The following B3GLCT variants were observed in gnomAD, a reference collection of about 807,000 sequenced individuals.
The protein encoded by B3GLCT is beta-1,3-glucosyltransferase.
Under a neutral mutation model 63.4 loss-of-function variants are expected in B3GLCT, and 65 were observed. That is an observed-to-expected ratio of 1.03 (90% CI 0.84 to 1.26). B3GLCT has a LOEUF of 1.26. B3GLCT is among the 50% of genes most tolerant of loss of function. The pLI is 0.00. For missense variants in B3GLCT, 577 were observed against 604.8 expected, an observed-to-expected ratio of 0.95 and a Z score of 0.48; for synonymous variants, 233 against 219.2, an observed-to-expected ratio of 1.06 and a Z score of -0.55.
intron 4 of B3GLCT, among the ~76,000 whole-genome samples, chr13:31,231,753 T>G (rs1870391028): frequency 6.6e-6 from 1 of 152,180 alleles, no homozygotes; most frequent in African/African-American, 2.4e-5. Flanking sequence ...ATAGAAATTA[T>G]AAAGTATTCC....
At chr13:31,223,502 A>AC (rs1339636667) in intron 3 of B3GLCT, among the ~76,000 whole-genome samples, 3 of 151,990 alleles carry the variant, frequency 2.0e-5, no homozygotes, top group Admixed American at 2.0e-4. Context: ...GGAAGCCGTT[A>AC]CTCCTTCCTT....
intron 6 of B3GLCT, chr13:31,260,559 C>T (rs1217291607): frequency 6.1e-6 from 1 of 163,104 alleles, no homozygotes; most frequent in Non-Finnish European, 1.3e-5. Context: ...AATAAATAAT[C>T]ACTGATTCTG....
At chr13:31,209,860 G>T (rs1869168530) in intron 1 of B3GLCT, among the ~76,000 whole-genome samples, 1 of 152,234 alleles carries the variant, frequency 6.6e-6, no homozygotes, top group Non-Finnish European at 1.5e-5. Context: ...TGGTTTCTAT[G>T]ATAGATGTTC....
chr13:31,203,175 A>G (rs554157310), intron 1 of B3GLCT, among the ~76,000 whole-genome samples: 1 of 152,258 alleles, frequency 6.6e-6, no homozygotes, highest in South Asian at 2.1e-4. Flanking sequence ...TTTCATTGCA[A>G]TGAGTCAGAA....
intron 6 of B3GLCT, among the ~76,000 whole-genome samples, chr13:31,256,731 A>G (rs1442738498): frequency 2.0e-5 from 3 of 152,192 alleles, no homozygotes; most frequent in Non-Finnish European, 4.4e-5. Context: ...ATGAGAACAC[A>G]TGGACACAGG....
At chr13:31,315,799 A>T (rs1418637739) in intron 12 of B3GLCT, among the ~76,000 whole-genome samples, 1 of 152,210 alleles carries the variant, frequency 6.6e-6, no homozygotes, top group African/African-American at 2.4e-5. Context: ...GAGGCCTAGG[A>T]GTAAAAGTGG....
intron 13 of B3GLCT, among the ~76,000 whole-genome samples, chr13:31,323,006 G>A (rs2137945787): frequency 6.6e-6 from 1 of 152,316 alleles, no homozygotes; most frequent in South Asian, 2.1e-4. Context: ...GTAGTTGACA[G>A]GAACTTTCTT....
In B3GLCT at chr13:31,330,923, A is replaced by C. The variant is rs1037411403; in HGVS notation, c.*1255A>C. ...CAGAATTTAAAGCCATACCACCAAA[A>C]GTACCTGTGTGTGTTAATATGTTTT... is the stretch of plus-strand genomic sequence containing the variant. On this transcript the variant is annotated 3_prime_UTR_variant, in exon 15 of 15. Transcript: ENST00000343307. 2.6e-5 allele frequency: 4 copies of C among 152,310 alleles called. No homozygotes were observed. In the South Asian group the frequency reaches 8.3e-4, roughly 32 times the overall value. 9.4% of individuals were successfully genotyped at this position (152,310 alleles called of 1,614,324 possible).
intron 1 of B3GLCT, among the ~76,000 whole-genome samples, chr13:31,204,562 C>T (rs1346428126): frequency 6.6e-6 from 1 of 152,086 alleles, no homozygotes; most frequent in Admixed American, 6.6e-5. Flanking sequence ...CTGGCAAGAT[C>T]ATTAGGGGCC....
intron 4 of B3GLCT, among the ~76,000 whole-genome samples, chr13:31,245,569 A>G (rs1279712456): frequency 6.6e-6 from 1 of 152,114 alleles, no homozygotes; most frequent in Non-Finnish European, 1.5e-5. Flanking sequence ...TTCCGTTGTT[A>G]TAAAGTTTTC....
At chr13:31,259,066 A>G (rs907536889) in intron 6 of B3GLCT, among the ~76,000 whole-genome samples, 2 of 152,030 alleles carry the variant, frequency 1.3e-5, no homozygotes, top group Admixed American at 6.6e-5. Flanking sequence ...TTGAATTACT[A>G]ACTTCAGTTC....
chr13:31,295,530 G>A (rs1873890893), intron 12 of B3GLCT, among the ~76,000 whole-genome samples: 1 of 152,198 alleles, frequency 6.6e-6, no homozygotes, highest in Non-Finnish European at 1.5e-5. Context: ...GAGGAATCTA[G>A]AGAGGCAGTC....
chr13:31,222,713 G>A (rs1425324708), intron 2 of B3GLCT, among the ~76,000 whole-genome samples: 1 of 152,192 alleles, frequency 6.6e-6, no homozygotes, highest in Non-Finnish European at 1.5e-5. Flanking sequence ...ACTTGCCCAA[G>A]ATCACATGAG....
At chr13:31,237,744 G>A (rs978598785) in intron 4 of B3GLCT, among the ~76,000 whole-genome samples, 14 of 152,154 alleles carry the variant, frequency 9.2e-5, no homozygotes, top group Non-Finnish European at 2.1e-4. Flanking sequence ...AAAACTAAGA[G>A]GCATAAGTTG....
At chr13:31,309,317 G>A (rs1874575081) in intron 12 of B3GLCT, among the ~76,000 whole-genome samples, 1 of 152,190 alleles carries the variant, frequency 6.6e-6, no homozygotes. Flanking sequence ...CTGTGACCCT[G>A]AAATATGTGG....
intron 1 of B3GLCT, among the ~76,000 whole-genome samples, chr13:31,211,038 C>T (rs1022519640): frequency 1.3e-5 from 2 of 152,154 alleles, no homozygotes; most frequent in African/African-American, 2.4e-5. Context: ...CCACCACGTC[C>T]GGCCACGTTT....
chr13:31,274,681 T>C, intron 9 of B3GLCT, 53 bp downstream of exon 9: 1 of 1,598,796 alleles, frequency 6.3e-7, no homozygotes, highest in Non-Finnish European at 8.6e-7. Context: ...ATTTAGATGC[T>C]GTGCATAATG....
At chr13:31,290,170 A>G (rs1307427728) in intron 12 of B3GLCT, among the ~76,000 whole-genome samples, 2 of 152,138 alleles carry the variant, frequency 1.3e-5, no homozygotes, top group Non-Finnish European at 2.9e-5. Flanking sequence ...TTCCAGATTC[A>G]TCCATGTCCG....
intron 10 of B3GLCT, among the ~76,000 whole-genome samples, chr13:31,281,300 C>T (rs749298385): frequency 6.6e-6 from 1 of 152,068 alleles, no homozygotes; most frequent in African/African-American, 2.4e-5. Context: ...AAACAAAAAC[C>T]TGTTTGCTGT....
Sources: allele counts gnomAD v4.1 joint callset (sites outside exome capture counted in the v4.1 genomes callset), GRCh38; gene constraint gnomAD v4.1.1; transcripts MANE v1.5; gene names NCBI Gene and HGNC (gene_info 2026-07-23, HGNC 2026-07-21).